SMCHD1: variants seen among roughly 807,000 people sequenced by gnomAD.
The protein encoded by SMCHD1 is structural maintenance of chromosomes flexible hinge domain containing 1.
SMCHD1 carries 78 observed loss-of-function variants against 254.7 expected under a neutral mutation model. The observed-to-expected ratio is 0.31, with a 90% CI of 0.26 to 0.37. SMCHD1 has a LOEUF of 0.37. Among genes scored for constraint, SMCHD1 ranks in the 10% least tolerant of loss-of-function variants. SMCHD1 has a pLI of 1.00. For missense variants in SMCHD1, 1,840 were observed against 2,408.1 expected, an observed-to-expected ratio of 0.76 and a Z score of 4.94; for synonymous variants, 766 against 794.9, an observed-to-expected ratio of 0.96 and a Z score of 0.61.
In SMCHD1 at chr18:2,728,285, A is replaced by G. The variant is rs1422137654; in HGVS notation, c.2774-172A>G. On this transcript the variant is annotated intron_variant, in intron 22 of 47. Transcript: ENST00000320876. ...TGAGATAAGTCTTGTCATGTATTGA[A>G]TCTGTGCATTTTGGGATGAAACTGA... The G allele has an allele frequency of 8.2e-6, 5 of 610,810 alleles. No homozygotes were observed. In the Admixed American group the frequency reaches 1.6e-4, roughly 20 times the overall value. 37.8% of individuals were successfully genotyped at this position (610,810 alleles called of 1,614,324 possible). A position where few individuals can be genotyped will look rare whatever the true frequency, so the allele number is the denominator to read the frequency against.
chr18:2,657,676 T>C (rs1031307525), intron 1 of SMCHD1, among the ~76,000 whole-genome samples: 3 of 152,238 alleles, frequency 2.0e-5, no homozygotes, highest in African/African-American at 7.2e-5. Context: ...ATATGTGTTT[T>C]ATATTCTATT....
In SMCHD1 at chr18:2,804,010, A is replaced by C. The variant is rs1262135351; in HGVS notation, c.*1458A>C. ...TGCGCTCAAATGTTTTGAATTTTGG[A>C]ACATTTCTTGTTTCTGACTTTTAGA... On this transcript the variant is annotated 3_prime_UTR_variant, in exon 48 of 48. Coordinates refer to ENST00000320876, the MANE Select transcript of SMCHD1 (RefSeq NM_015295.3). 1 of 152,176 alleles carries C rather than the reference A, an allele frequency of 6.6e-6. No homozygotes were observed. The highest frequency in any genetic ancestry group is 2.4e-5 in the African/African-American group (1 of 41,444). The allele number at this position is 152,176 out of a possible 1,614,324, so 9.4% of individuals were successfully genotyped here. A position where few individuals can be genotyped will look rare whatever the true frequency, so the allele number is the denominator to read the frequency against.
intron 45 of SMCHD1, among the ~76,000 whole-genome samples, chr18:2,791,737 T>C (rs1368874210): frequency 6.6e-6 from 1 of 152,190 alleles, no homozygotes. Flanking sequence ...AGAAGCTCAG[T>C]AGTCTCAAAG....
In SMCHD1 at chr18:2,740,699, T is replaced by G. The variant is rs567505749; in HGVS notation, c.3515-4T>G. 1.3e-6 allele frequency: 2 copies of G among 1,504,466 alleles called. No homozygotes were observed. Among genetic ancestry groups the G allele is most frequent in the Non-Finnish European group, 1.8e-6 (2 of 1,094,386 alleles). The allele number at this position is 1,504,466 out of a possible 1,614,324, so 93.2% of individuals were successfully genotyped here. A position where few individuals can be genotyped will look rare whatever the true frequency, so the allele number is the denominator to read the frequency against. ...TACTAAAATAAAACTTCCCCCTTTT[T>G]TAGTTATAATAATTACAGATCAGTA... On this transcript the variant is annotated splice_region_variant and splice_polypyrimidine_tract_variant and intron_variant, in intron 27 of 47. Transcript: ENST00000320876.
rs2076093702 is a variant in SMCHD1 at position 2,777,914 on chromosome 18, A to C, written c.5475A>C (p.Thr1825=). 1 of 1,519,594 alleles carries C rather than the reference A, an allele frequency of 6.6e-7. No homozygotes were observed. The highest frequency in any genetic ancestry group is 1.4e-5 in the African/African-American group (1 of 72,184). The allele number at this position is 1,519,594 out of a possible 1,614,324, so 94.1% of individuals were successfully genotyped here. ...TFPDNVEHCE[T]VFGMLLGDTI... is the part of the protein sequence containing the mutation. ...CAGATAATGTAGAACATTGTGAAAC[A>C]GGTAAAAGACATTATGGTGACTTTA... Residue 1825 remains threonine (T), a splice_region_variant and synonymous_variant, in exon 43 of 48, where the codon ACA becomes ACC. Transcript: ENST00000320876.
intron 24 of SMCHD1, among the ~76,000 whole-genome samples, chr18:2,731,636 T>C (rs1200166526): frequency 6.6e-6 from 1 of 152,240 alleles, no homozygotes; most frequent in South Asian, 2.1e-4. Context: ...CTTACATCTT[T>C]GTTCTTATTC....
chr18:2,762,719 C>T (rs1184248830), intron 36 of SMCHD1, among the ~76,000 whole-genome samples: 2 of 152,012 alleles, frequency 1.3e-5, no homozygotes, highest in Admixed American at 6.6e-5. Flanking sequence ...AAATCCTGAC[C>T]TCATGTTATC....
At chr18:2,659,597 C>A (rs1042662014) in intron 1 of SMCHD1, among the ~76,000 whole-genome samples, 1 of 152,022 alleles carries the variant, frequency 6.6e-6, no homozygotes, top group Non-Finnish European at 1.5e-5. Flanking sequence ...AAAATATGCC[C>A]AGATGTTAAG....
At chr18:2,755,857 G>A (rs566614522) in intron 34 of SMCHD1, among the ~76,000 whole-genome samples, 5 of 152,098 alleles carry the variant, frequency 3.3e-5, no homozygotes, top group South Asian at 2.1e-4. Flanking sequence ...GTGAATCACC[G>A]CCCTCGGCCG....
At chr18:2,754,004 T>A (rs1333559402) in intron 34 of SMCHD1, among the ~76,000 whole-genome samples, 1 of 152,208 alleles carries the variant, frequency 6.6e-6, no homozygotes, top group Non-Finnish European at 1.5e-5. Flanking sequence ...AGTGCCTTTT[T>A]TGAGTATCTT....
chr18:2,694,759 GA>G, intron 8 of SMCHD1, 66 bp downstream of exon 8: 3 of 1,381,076 alleles, frequency 2.2e-6, no homozygotes, highest in Non-Finnish European at 3.0e-6. Flanking sequence ...AAACATTACA[GA>G]TATATTGAAG....
intron 17 of SMCHD1, among the ~76,000 whole-genome samples, chr18:2,714,352 T>A (rs751708582): frequency 2.0e-5 from 3 of 152,206 alleles, no homozygotes; most frequent in Non-Finnish European, 4.4e-5. Context: ...TTACCTTCAG[T>A]CTATAATTGT....
Position 2,707,803 on chromosome 18 carries a change from A to G in SMCHD1, c.2147-4A>G, listed in dbSNP as rs777682119. ...TTAAGATACTTTTAATTTTTGACTC[A>G]TAGGTGCGTTAAGAATTGAAATACT... On this transcript the variant is annotated splice_region_variant and splice_polypyrimidine_tract_variant and intron_variant, in intron 16 of 47. Coordinates refer to ENST00000320876, the MANE Select transcript of SMCHD1 (RefSeq NM_015295.3). 8 of 1,597,064 alleles carry G rather than the reference A, an allele frequency of 5.0e-6. No individual in the cohort carries two copies. The highest frequency in any genetic ancestry group is 4.5e-5 in the East Asian group (2 of 44,728).
chr18:2,681,345 G>A (rs1294044956), intron 5 of SMCHD1, among the ~76,000 whole-genome samples: 2 of 149,786 alleles, frequency 1.3e-5, no homozygotes, highest in African/African-American at 2.5e-5. Flanking sequence ...CCTGGGAGGT[G>A]GAGGATGCAA....
Position 2,666,258 on chromosome 18 carries a change from A to G in SMCHD1, c.262+26A>G, listed in dbSNP as rs1433161267. On this transcript the variant is annotated intron_variant, in intron 2 of 47. Coordinates refer to ENST00000320876, the MANE Select transcript of SMCHD1 (RefSeq NM_015295.3). ...GTAGGTAAACAGTGTTACTAAGTTG[A>G]TGCTTTTATATTTAATAAGGTTTAG... 2.8e-6 allele frequency: 3 copies of G among 1,073,818 alleles called. No homozygotes were observed. In the South Asian group the frequency reaches 4.2e-5, roughly 15 times the overall value. The allele number at this position is 1,073,818 out of a possible 1,614,324, so 66.5% of individuals were successfully genotyped here. A position where few individuals can be genotyped will look rare whatever the true frequency, so the allele number is the denominator to read the frequency against.
chr18:2,766,245 G>A lies in SMCHD1; in HGVS notation c.4719+2456G>A, dbSNP rs944853532. Among the ~76,000 whole-genome samples, 9 of 152,282 alleles carry A rather than the reference G, an allele frequency of 5.9e-5. No homozygotes were observed. The East Asian group carries it at 1.5e-3, about 26-fold the overall frequency. On this transcript the variant is annotated intron_variant, in intron 37 of 47. Coordinates refer to ENST00000320876, the MANE Select transcript of SMCHD1 (RefSeq NM_015295.3). ...CCTGACCTTGTGATCCACCCGCCTCGGCCTCCCAAAGTGCTGGGATTACAG... is the reference window on the plus strand; with the variant it reads ...CCTGACCTTGTGATCCACCCGCCTCAGCCTCCCAAAGTGCTGGGATTACAG...
At chr18:2,694,505 G>A in intron 7 of SMCHD1, 22 bp from the exon 8 acceptor site, 1 of 1,513,070 alleles carries the variant, frequency 6.6e-7, no homozygotes, top group Non-Finnish European at 8.9e-7. Flanking sequence ...TTAATCTGTT[G>A]TATTTCTGTT....
At chr18:2,784,124 C>G (rs143439631) in intron 44 of SMCHD1, among the ~76,000 whole-genome samples, 1 of 152,286 alleles carries the variant, frequency 6.6e-6, no homozygotes, top group South Asian at 2.1e-4. Context: ...GTTGGTGATG[C>G]TACCTTGATA....
intron 37 of SMCHD1, 70 bp downstream of exon 37, chr18:2,763,859 C>T: frequency 7.1e-7 from 1 of 1,404,382 alleles, no homozygotes; most frequent in South Asian, 1.3e-5. Flanking sequence ...TATTAAGACA[C>T]CTTTTCTTTT....
Sources: allele counts gnomAD v4.1 joint callset (sites outside exome capture counted in the v4.1 genomes callset), GRCh38; gene constraint gnomAD v4.1.1; transcripts MANE v1.5; gene names NCBI Gene and HGNC (gene_info 2026-07-23, HGNC 2026-07-21).